Variants in ATXN7L3 observed in about 807,000 individuals in gnomAD.
The protein encoded by ATXN7L3 is ataxin 7 like 3, also known as ataxin-7-like protein 3.
A neutral mutation model predicts 50.0 loss-of-function variants in ATXN7L3; 6 were observed. The observed-to-expected ratio is 0.12, with a 90% confidence interval of 0.07 to 0.24. The LOEUF (loss-of-function observed/expected upper bound fraction) is 0.24, where lower values mean the gene tolerates loss of function less well. ATXN7L3 is among the 10% of genes least tolerant of loss of function. The pLI is 1.00. For missense variants in ATXN7L3, 322 were observed against 451.3 expected (o/e 0.71, Z 2.60); for synonymous variants, 198 against 165.8 (o/e 1.19, Z -1.49).
At chr17:44,196,232 A>AAGCCC in intron 6 of ATXN7L3, 153 bp from the exon 7 acceptor site, 1 of 285,380 alleles carries the variant, frequency 3.5e-6, no homozygotes, top group Non-Finnish European at 5.8e-6. Flanking sequence ...GCCCTCCCCC[A>AAGCCC]CCCCCCTTCC....
chr17:44,196,741 G>A (rs2055911908), intron 5 of ATXN7L3, among the ~76,000 whole-genome samples, 188 bp downstream of exon 5: 1 of 124,848 alleles, frequency 8.0e-6, no homozygotes, highest in Admixed American at 1.1e-4. Flanking sequence ...TCTCACCACT[G>A]CACCCCAGCC....
chr17:44,196,238 C>A, intron 6 of ATXN7L3, 158 bp downstream of exon 6: 2 of 768,472 alleles, frequency 2.6e-6, no homozygotes, highest in African/African-American at 1.9e-5. Flanking sequence ...CCCCACCCCC[C>A]TTCCCCACCC....
At chr17:44,196,833 C>T in intron 5 of ATXN7L3, 96 bp downstream of exon 5, 1 of 706,150 alleles carries the variant, frequency 1.4e-6, no homozygotes, top group Non-Finnish European at 2.5e-6. Context: ...ACTCTCTCTT[C>T]ATCATTCAAG....
At chr17:44,198,675 G>A (rs924222225) in intron 1 of ATXN7L3, among the ~76,000 whole-genome samples, 1 of 152,036 alleles carries the variant, frequency 6.6e-6, no homozygotes, top group African/African-American at 2.4e-5. Context: ...CACTCCACGA[G>A]GGGAGCAGAG....
chr17:44,196,554 C>CA, intron 5 of ATXN7L3, 136 bp from the exon 6 acceptor site: 1 of 1,087,024 alleles, frequency 9.2e-7, no homozygotes, highest in South Asian at 1.4e-5. Context: ...CCCAGGCGGG[C>CA]AGATCACGAG....
chr17:44,194,569 T>C lies in ATXN7L3; in HGVS notation c.843A>G (p.Ser281=). ...TCTTGGAGGAGCCTGAATCAGAGGG[T>C]GAGAGGTCAGAGGAGCCGTCCCACT... ...RLQWDGSSDL[S]PSDSGSSKTS... The change falls in exon 12 of 13, where the codon TCA becomes TCG. Residue 281 remains serine (S), a synonymous_variant. Transcript: ENST00000587097. 1 of 1,613,592 alleles carries C rather than the reference T, an allele frequency of 6.2e-7. No homozygotes were observed. The highest frequency in any genetic ancestry group is 8.5e-7 in the Non-Finnish European group (1 of 1,179,916).
rs780970278 is a variant in ATXN7L3 at position 44,195,834 on chromosome 17, G to A, written c.524-6C>T. 15 of 1,603,818 alleles carry A rather than the reference G, an allele frequency of 9.4e-6. No homozygotes were observed. The highest frequency in any genetic ancestry group is 3.5e-5 in the Admixed American group (2 of 57,146). ...ATCCGAATTGCTAAGTTCCCCTGAA[G>A]AAGAAAAAAGAAGGGGAAGGGTGTT... On this transcript the variant is annotated splice_region_variant and splice_polypyrimidine_tract_variant and intron_variant, in intron 7 of 12. Transcript: ENST00000587097.
Position 44,194,170 on chromosome 17 carries a change from C to T in ATXN7L3, c.*93G>A, listed in dbSNP as rs926176064. ...CCCACCAAGCTTCCCAAGCCCCAACCCCCAGCAGCCGTCCATTTGCCAGGC... is the reference window on the plus strand; with the variant it reads ...CCCACCAAGCTTCCCAAGCCCCAACTCCCAGCAGCCGTCCATTTGCCAGGC... On this transcript the variant is annotated 3_prime_UTR_variant, in exon 13 of 13. Transcript: ENST00000587097. 1.3e-6 allele frequency: 2 copies of T among 1,509,648 alleles called. No individual in the cohort carries two copies. The highest frequency in any genetic ancestry group is 1.8e-6 in the Non-Finnish European group (2 of 1,120,692). The allele number at this position is 1,509,648 out of a possible 1,614,324, so 93.5% of individuals were successfully genotyped here. A position where few individuals can be genotyped will look rare whatever the true frequency, so the allele number is the denominator to read the frequency against.
intron 5 of ATXN7L3, 113 bp downstream of exon 5, chr17:44,196,816 T>C (rs2055920033): frequency 3.3e-6 from 2 of 607,564 alleles, no homozygotes; most frequent in Non-Finnish European, 5.8e-6. Context: ...GGAAATCGCG[T>C]AACTACACTC....
rs1176808993 is a variant in ATXN7L3, at chr17:44,194,141, C to T, written c.*122G>A. The T allele has an allele frequency of 6.7e-6, 9 of 1,350,676 alleles. No homozygotes were observed. Among genetic ancestry groups the T allele is most frequent in the East Asian group, 2.3e-5 (1 of 43,468 alleles). The allele number at this position is 1,350,676 out of a possible 1,614,324, so 83.7% of individuals were successfully genotyped here. On this transcript the variant is annotated 3_prime_UTR_variant, in exon 13 of 13. Coordinates refer to ENST00000587097, the MANE Select transcript of ATXN7L3 (RefSeq NM_001382309.1). The stretch of plus-strand genomic sequence containing the variant: ...GCGCATAATCGGATCCTCTGCCTGC[C>T]TGGCCCACCAAGCTTCCCAAGCCCC...
chr17:44,196,612 T>C (rs1380530748), intron 5 of ATXN7L3, among the ~76,000 whole-genome samples, 194 bp from the exon 6 acceptor site: 1 of 151,530 alleles, frequency 6.6e-6, no homozygotes, highest in Non-Finnish European at 1.5e-5. Context: ...ACCCCATCTC[T>C]ACTAAAAATA....
rs1166306386 is a variant in ATXN7L3, at chr17:44,191,948, A to AC, written c.*2314dup. 1.9e-5 allele frequency: 3 copies of AC among 158,852 alleles called. No homozygotes were observed. The highest frequency in any genetic ancestry group is 3.9e-5 in the Non-Finnish European group (3 of 76,074). The allele number at this position is 158,852 out of a possible 1,614,324, so 9.8% of individuals were successfully genotyped here. ...AAGACCACAGGACAGCGTGAGCCCC[A>AC]CCCCCCTCCCCCAATGACCCCAGCA... On this transcript the variant is annotated 3_prime_UTR_variant, in exon 13 of 13. Coordinates refer to ENST00000587097, the MANE Select transcript of ATXN7L3 (RefSeq NM_001382309.1).
intron 1 of ATXN7L3, chr17:44,198,567 AG>A (rs1364006568): frequency 6.5e-6 from 1 of 154,946 alleles, no homozygotes. Flanking sequence ...GCTTTCAGCC[AG>A]GATGTCCACT....
chr17:44,192,765 ATC>A lies in ATXN7L3; in HGVS notation c.*1496_*1497del, dbSNP rs1280153630. 8 of 152,228 alleles carry A rather than the reference ATC, an allele frequency of 5.3e-5. No homozygotes were observed. Among genetic ancestry groups the A allele is most frequent in the African/African-American group, 1.9e-4 (8 of 41,440 alleles). 9.4% of individuals were successfully genotyped at this position (152,228 alleles called of 1,614,324 possible). ...GTTCCAGACAGGGCATTGCAGCCCC[ATC>A]TCTGTTGTTCCCTTAACCCTCTAGG... On this transcript the variant is annotated 3_prime_UTR_variant, in exon 13 of 13. Transcript: ENST00000587097.
intron 3 of ATXN7L3, 51 bp from the exon 4 acceptor site, chr17:44,197,450 G>T: frequency 6.4e-7 from 1 of 1,571,818 alleles, no homozygotes; most frequent in Non-Finnish European, 8.6e-7. Context: ...CTCTCCTCTT[G>T]TTCCCACCTG....
chr17:44,196,282 C>T, intron 6 of ATXN7L3, 114 bp downstream of exon 6: 1 of 1,359,562 alleles, frequency 7.4e-7, no homozygotes, highest in South Asian at 1.2e-5. Context: ...CAAAGACACC[C>T]TCAAGCCCCC....
In ATXN7L3 at chr17:44,196,434, G is replaced by A. The variant is rs773167446; in HGVS notation, c.455-16C>T. 1.9e-6 allele frequency: 3 copies of A among 1,613,938 alleles called. No homozygotes were observed. The East Asian group carries it at 6.7e-5, about 36-fold the overall frequency. On this transcript the variant is annotated splice_polypyrimidine_tract_variant and intron_variant, in intron 5 of 12. Transcript: ENST00000587097. Reference sequence around the variant, plus strand: ...CTCTTCTTGGCTGTGGGAAACAAAAGCATAAAGAGCAGGGTTTCCGTTAAG... The same window carrying A: ...CTCTTCTTGGCTGTGGGAAACAAAAACATAAAGAGCAGGGTTTCCGTTAAG...
chr17:44,196,118 C>T (rs758728441), intron 6 of ATXN7L3, 39 bp from the exon 7 acceptor site: 20 of 1,596,878 alleles, frequency 1.3e-5, no homozygotes, highest in East Asian at 4.5e-5. Flanking sequence ...GAAAGGGTAA[C>T]GAAAAGGGGG....
intron 2 of ATXN7L3, 101 bp downstream of exon 2, chr17:44,197,919 C>T: frequency 6.5e-7 from 1 of 1,529,304 alleles, no homozygotes; most frequent in Non-Finnish European, 9.0e-7. Flanking sequence ...CTTTAAGGAA[C>T]AAGGCTGACT....
Sources: gnomAD v4.1 joint callset for allele counts (sites outside exome capture counted in the v4.1 genomes callset) on GRCh38, gnomAD v4.1.1 for gene constraint, MANE v1.5 for transcripts, NCBI Gene and HGNC (gene_info 2026-07-23, HGNC 2026-07-21) for gene names.